Variants in DPP4 observed in about 807,000 individuals in gnomAD.
DPP4 encodes dipeptidyl peptidase 4.
DPP4 carries 93 observed loss-of-function variants against 122.4 expected under a neutral mutation model. The observed-to-expected ratio is 0.76, with a 90% CI of 0.64 to 0.90. The LOEUF is 0.90. Among genes scored for constraint, DPP4 ranks in the 40% least tolerant of loss-of-function variants. The pLI, the probability that DPP4 is intolerant of heterozygous loss-of-function variation, is 0.00. For synonymous variants in DPP4, 321 were observed against 302.9 expected (o/e 1.06, Z -0.62); for missense variants, 914 against 907.3 (o/e 1.01, Z -0.09).
At chr2:162,047,035 T>G in intron 3 of DPP4, 29 bp from the exon 4 acceptor site, 1 of 1,271,078 alleles carries the variant, frequency 7.9e-7, no homozygotes, top group East Asian at 2.3e-5. Context: ...CAGATCAAAA[T>G]TTCAAGTTGT....
At chr2:162,019,947 T>G (rs1683061783) in intron 14 of DPP4, among the ~76,000 whole-genome samples, 2 of 152,176 alleles carry the variant, frequency 1.3e-5, no homozygotes. Flanking sequence ...TGCCCCTCAT[T>G]GCTAGTTCGG....
At chr2:161,997,821 G>C (rs1027457701) in intron 23 of DPP4, among the ~76,000 whole-genome samples, 1 of 152,226 alleles carries the variant, frequency 6.6e-6, no homozygotes. Context: ...CCAAGACTCA[G>C]AAGGTGAGTA....
intron 20 of DPP4, among the ~76,000 whole-genome samples, chr2:162,010,736 T>A (rs747081478): frequency 3.9e-5 from 6 of 152,190 alleles, no homozygotes; most frequent in Admixed American, 6.5e-5. Flanking sequence ...TCTCTATTTT[T>A]TAATTGTTAA....
At chr2:162,062,568 T>A (rs1211565970) in intron 2 of DPP4, among the ~76,000 whole-genome samples, 1 of 152,194 alleles carries the variant, frequency 6.6e-6, no homozygotes, top group Admixed American at 6.5e-5. Context: ...ATTCAGTTCA[T>A]TGAGGTTGTG....
rs35326408 is a variant in DPP4 at position 162,052,318 on chromosome 2, CAAAAAAAAAAA to C, written c.95-4828_95-4818del. 4.1e-3 allele frequency among the ~76,000 whole-genome samples: 266 copies of C among 64,774 alleles called. 2 individuals are homozygous for C. Among genetic ancestry groups the C allele is most frequent in the African/African-American group, 0.017 (258 of 15,362 alleles). The allele number at this position is 64,774 out of a possible 152,430, so 42.5% of individuals were successfully genotyped here. ...GGGCAACAAGAGCGAAACTCCATCTCAAAAAAAAAAAAAAAAAAAAAAAAGTGGAGGACAGG... is the reference window on the plus strand; with the variant it reads ...GGGCAACAAGAGCGAAACTCCATCTCAAAAAAAAAAAAAGTGGAGGACAGG... On this transcript the variant is annotated intron_variant, in intron 2 of 25. Transcript: ENST00000360534.
At chr2:162,026,188 G>A (rs933746107) in intron 10 of DPP4, among the ~76,000 whole-genome samples, 47 of 152,162 alleles carry the variant, frequency 3.1e-4, no homozygotes, top group African/African-American at 1.1e-3. Flanking sequence ...CTGGGCACTC[G>A]GGATGGATTA....
rs200384981 is a variant in DPP4, at chr2:161,993,104, T to C, written c.*179A>G. The C allele has an allele frequency of 3.2e-4, 175 of 548,976 alleles. 4 individuals carry two copies. The South Asian group carries it at 4.1e-3, about 13-fold the overall frequency. The allele number at this position is 548,976 out of a possible 1,614,324, so 34.0% of individuals were successfully genotyped here. ...ACTTCTGTAAGGTAATAATCTGTTGTGAAGACAGAAGTCCCTACTTAAGAT... is the reference window on the plus strand; with the variant it reads ...ACTTCTGTAAGGTAATAATCTGTTGCGAAGACAGAAGTCCCTACTTAAGAT... On this transcript the variant is annotated 3_prime_UTR_variant, in exon 26 of 26. Transcript: ENST00000360534.
chr2:161,992,391 A>G lies in DPP4; in HGVS notation c.*892T>C, dbSNP rs1007205065. 1.3e-5 allele frequency: 2 copies of G among 152,640 alleles called. No homozygotes were observed. The highest frequency in any genetic ancestry group is 4.8e-5 in the African/African-American group (2 of 41,462). 9.5% of individuals were successfully genotyped at this position (152,640 alleles called of 1,614,324 possible). A position where few individuals can be genotyped will look rare whatever the true frequency, so the allele number is the denominator to read the frequency against. ...GTTAAAATATTCTTTTAATTAAGAC[A>G]CTCAAAGAAATGAAATAAGAAAAAT... On this transcript the variant is annotated 3_prime_UTR_variant, in exon 26 of 26. Transcript: ENST00000360534.
In DPP4 at chr2:162,009,297, T is replaced by C. The variant is rs1462242687; in HGVS notation, c.1833-2A>G. The C allele has an allele frequency of 6.2e-7, 1 of 1,613,662 alleles. No homozygotes were observed. The highest frequency in any genetic ancestry group is 8.5e-7 in the Non-Finnish European group (1 of 1,179,678). ...ACAAATCCCATTTTTGAAAATTGTCTAAAACACAAGGAAAAAGTCCACAGA... is the reference window on the plus strand; with the variant it reads ...ACAAATCCCATTTTTGAAAATTGTCCAAAACACAAGGAAAAAGTCCACAGA... On this transcript the variant is annotated splice_acceptor_variant, in intron 20 of 25. Coordinates refer to ENST00000360534, the MANE Select transcript of DPP4 (RefSeq NM_001935.4). LOFTEE classifies it high-confidence loss of function.
At chr2:162,055,854 C>T (rs1173816586) in intron 2 of DPP4, among the ~76,000 whole-genome samples, 1 of 152,118 alleles carries the variant, frequency 6.6e-6, no homozygotes, top group East Asian at 1.9e-4. Flanking sequence ...AGCAACACTT[C>T]GAAAAAAATA....
intron 2 of DPP4, among the ~76,000 whole-genome samples, chr2:162,051,964 T>C (rs1684397930): frequency 6.6e-6 from 1 of 152,180 alleles, no homozygotes; most frequent in Non-Finnish European, 1.5e-5. Context: ...TGAACCTTAA[T>C]ATACATTGTG....
At chr2:162,027,959 G>A (rs1436853178) in intron 10 of DPP4, among the ~76,000 whole-genome samples, 1 of 151,926 alleles carries the variant, frequency 6.6e-6, no homozygotes, top group Non-Finnish European at 1.5e-5. Context: ...TTCACCCGTG[G>A]CGCAGACAGG....
At chr2:162,052,147 T>A (rs1240916589) in intron 2 of DPP4, among the ~76,000 whole-genome samples, 1 of 151,800 alleles carries the variant, frequency 6.6e-6, no homozygotes, top group Non-Finnish European at 1.5e-5. Flanking sequence ...GGAGAAACCC[T>A]GTCTCTGCTA....
chr2:162,060,968 GCTTC>G (rs1282555428), intron 2 of DPP4, among the ~76,000 whole-genome samples: 237 of 99,184 alleles, frequency 2.4e-3, no homozygotes, highest in African/African-American at 8.3e-3. Flanking sequence ...TTCTTTCTTA[GCTTC>G]CTTCCTTCCC....
intron 2 of DPP4, among the ~76,000 whole-genome samples, chr2:162,052,180 T>A (rs1001435908): frequency 6.6e-6 from 1 of 151,626 alleles, no homozygotes; most frequent in African/African-American, 2.4e-5. Flanking sequence ...TAGCCGGGCG[T>A]GGTGGCACAT....
intron 2 of DPP4, among the ~76,000 whole-genome samples, chr2:162,062,114 CAAAAAAA>C (rs1045197117): frequency 8.6e-5 from 7 of 81,002 alleles, no homozygotes; most frequent in African/African-American, 1.2e-4. Context: ...ACTAAAAATA[CAAAAAAA>C]AAAAAAAAAA....
At position 162,035,320 on chromosome 2, in the gene DPP4, T is replaced by C. The variant is rs757276505; in HGVS notation, c.618A>G (p.Glu206=). 2 of 1,607,008 alleles carry C rather than the reference T, an allele frequency of 1.2e-6. No homozygotes were observed. Among genetic ancestry groups the C allele is most frequent in the East Asian group, 2.2e-5 (1 of 44,824 alleles). ...ACAGAGCAGAGTAGGCACTGAAGAC[T>C]TCCTCTGAAAAAAGACACAAATTGT... ...NGITDWVYEE[E]VFSAYSALWW... The change falls in exon 9 of 26, where the codon GAA becomes GAG. Residue 206 remains glutamate, a synonymous_variant. Coordinates refer to ENST00000360534, the MANE Select transcript of DPP4 (RefSeq NM_001935.4).
chr2:162,047,372 TA>T, intron 3 of DPP4, 30 bp downstream of exon 3: 1 of 1,342,770 alleles, frequency 7.4e-7, no homozygotes, highest in Non-Finnish European at 1.0e-6. Context: ...AATGTAAGCA[TA>T]AAATCTGCCC....
At chr2:162,066,835 TG>T (rs1684962054) in intron 2 of DPP4, among the ~76,000 whole-genome samples, 1 of 151,862 alleles carries the variant, frequency 6.6e-6, no homozygotes, top group Non-Finnish European at 1.5e-5. Flanking sequence ...AAGAGGGAGG[TG>T]CTAGGCTCTT....
Sources: gnomAD v4.1 joint callset for allele counts (sites outside exome capture counted in the v4.1 genomes callset) on GRCh38, gnomAD v4.1.1 for gene constraint, MANE v1.5 for transcripts, NCBI Gene and HGNC (gene_info 2026-07-23, HGNC 2026-07-21) for gene names.